ADSS2: variants seen among roughly 807,000 people sequenced by gnomAD.
ADSS2 encodes the protein adenylosuccinate synthetase isozyme 2.
Under a neutral mutation model 60.0 loss-of-function variants are expected in ADSS2, and 30 were observed. The observed-to-expected ratio is 0.50, with a 90% CI of 0.37 to 0.68. The LOEUF is 0.68. ADSS2 is among the 30% of genes least tolerant of loss of function. The pLI, the probability that ADSS2 is intolerant of heterozygous loss-of-function variation, is 0.00. For missense variants in ADSS2, 373 were observed against 554.8 expected (o/e 0.67, Z 3.29); for synonymous variants, 187 against 193.1 (o/e 0.97, Z 0.26).
chr1:244,435,187 A>C (rs948790453), intron 3 of ADSS2, among the ~76,000 whole-genome samples: 1 of 150,044 alleles, frequency 6.7e-6, no homozygotes, highest in Non-Finnish European at 1.5e-5. Flanking sequence ...AAAAAAAAAA[A>C]AAAAAAAAAA....
intron 1 of ADSS2, among the ~76,000 whole-genome samples, chr1:244,445,726 C>G (rs1333660517): frequency 6.6e-6 from 1 of 152,092 alleles, no homozygotes; most frequent in Non-Finnish European, 1.5e-5. Flanking sequence ...CTTGGTTTCA[C>G]TACTGGGCCT....
chr1:244,417,728 T>C lies in ADSS2; in HGVS notation c.970A>G (p.Arg324Gly). The C allele has an allele frequency of 6.2e-7, 1 of 1,613,550 alleles. No homozygotes were observed. Among genetic ancestry groups the C allele is most frequent in the Non-Finnish European group, 8.5e-7 (1 of 1,179,670 alleles). ...DNEIGELLQT[R>G]GREFGVTTGR... ...GTAGTTACACCAAACTCTCTACCCCTTGTTTGTAATAATTCTCCAATTTCC... is the reference window on the plus strand; with the variant it reads ...GTAGTTACACCAAACTCTCTACCCCCTGTTTGTAATAATTCTCCAATTTCC... Residue 324 changes from arginine to glycine, a missense_variant, in exon 10 of 13, where the codon AGG becomes GGG. Physicochemically the swap from Arg to Gly is moderately radical, Grantham distance 125. Around this residue, in one of 5 missense-constraint regions of ADSS2, gnomAD observed 130 missense variants for 169.4 expected, o/e 0.77. Coordinates refer to ENST00000366535, the MANE Select transcript of ADSS2 (RefSeq NM_001126.5).
rs769468143 is a variant in ADSS2 at position 244,451,851 on chromosome 1, G to A, written c.-34C>T. 2.1e-5 allele frequency: 32 copies of A among 1,524,596 alleles called. No homozygotes were observed. The highest frequency in any genetic ancestry group is 2.3e-4 in the Middle Eastern group (1 of 4,322). 94.4% of individuals were successfully genotyped at this position (1,524,596 alleles called of 1,614,324 possible). A position where few individuals can be genotyped will look rare whatever the true frequency, so the allele number is the denominator to read the frequency against. On this transcript the variant is annotated 5_prime_UTR_variant, in exon 1 of 13. Transcript: ENST00000366535. This position sits in a 1 kb window ranked among gnomAD's most constrained non-coding sequence, Gnocchi z 6.6. ...TGACGCGAGGAGAGCCCGAAGGAGA[G>A]GCGGCCGGCGAGGAGTGAGCGAACT...
At chr1:244,427,598 G>T (rs2148000235) in intron 4 of ADSS2, among the ~76,000 whole-genome samples, 1 of 152,136 alleles carries the variant, frequency 6.6e-6, no homozygotes, top group South Asian at 2.1e-4. Context: ...TAAAGACACA[G>T]ATACACTAAG....
intron 3 of ADSS2, among the ~76,000 whole-genome samples, chr1:244,434,935 G>C (rs575896085): frequency 5.3e-5 from 8 of 151,984 alleles, no homozygotes; most frequent in Non-Finnish European, 1.2e-4. Context: ...TTGGGAGGCC[G>C]AGGCAGGTGG....
chr1:244,429,592 A>G (rs1318986564), intron 4 of ADSS2, among the ~76,000 whole-genome samples: 1 of 152,220 alleles, frequency 6.6e-6, no homozygotes, highest in Admixed American at 6.5e-5. Context: ...AATTGACTAT[A>G]CTAAAATACA....
rs577843549 is a variant in ADSS2, at chr1:244,438,615, A to G, written c.184-847T>C. 2.7e-4 allele frequency among the ~76,000 whole-genome samples: 41 copies of G among 152,332 alleles called. No homozygotes were observed. The South Asian group carries it at 8.5e-3, about 32-fold the overall frequency. ...TGATTACACGTTTAAACTTCTATAC[A>G]ATATTAACACACTTTTAAAAGTATA... On this transcript the variant is annotated intron_variant, in intron 1 of 12. Coordinates refer to ENST00000366535, the MANE Select transcript of ADSS2 (RefSeq NM_001126.5).
At chr1:244,439,281 T>G (rs1186968759) in intron 1 of ADSS2, among the ~76,000 whole-genome samples, 1 of 152,208 alleles carries the variant, frequency 6.6e-6, no homozygotes, top group East Asian at 1.9e-4. Flanking sequence ...GAGTTTAATA[T>G]ATGCCATACA....
At chr1:244,417,950 AT>A (rs140813273) in intron 9 of ADSS2, among the ~76,000 whole-genome samples, 198 bp from the exon 10 acceptor site, 17,935 of 152,102 alleles carry the variant, frequency 0.12, 1,342 homozygotes, top group African/African-American at 0.18. Flanking sequence ...ATTTATTATC[AT>A]TTTTTTATGT....
At position 244,424,399 on chromosome 1, in the gene ADSS2, TA is replaced by T. The variant is rs1181149005; in HGVS notation, c.407-13del. 6.2e-7 allele frequency: 1 copy of T among 1,610,352 alleles called. No individual in the cohort carries two copies. Among genetic ancestry groups the T allele is most frequent in the South Asian group, 1.1e-5 (1 of 90,882 alleles). On this transcript the variant is annotated splice_polypyrimidine_tract_variant and intron_variant, in intron 4 of 12. Coordinates refer to ENST00000366535, the MANE Select transcript of ADSS2 (RefSeq NM_001126.5). Reference sequence around the variant, plus strand: ...ATGAAAATCAAATACTGAGGGGAAATAAAACCACAGTTGTTGAAACAAAGAT... The same window carrying T: ...ATGAAAATCAAATACTGAGGGGAAATAAACCACAGTTGTTGAAACAAAGAT...
chr1:244,435,774 A>C (rs780803747), intron 3 of ADSS2, among the ~76,000 whole-genome samples: 1 of 152,250 alleles, frequency 6.6e-6, no homozygotes, highest in Non-Finnish European at 1.5e-5. Context: ...ACAAGTACTT[A>C]ACAGTCAAAA....
chr1:244,416,149 G>A (rs549024625), intron 10 of ADSS2, 71 bp from the exon 11 acceptor site: 95 of 1,030,454 alleles, frequency 9.2e-5, no homozygotes, highest in Middle Eastern at 4.2e-4. Context: ...TTTGATTAAT[G>A]CAGGAGTAAA....
intron 7 of ADSS2, among the ~76,000 whole-genome samples, chr1:244,422,214 T>C (rs142407558): frequency 2.1e-4 from 32 of 152,250 alleles, no homozygotes; most frequent in African/African-American, 7.7e-4. Context: ...TACTTATCTA[T>C]AGATGAGAAG....
chr1:244,425,015 C>T (rs1468252917), intron 4 of ADSS2: 1 of 152,476 alleles, frequency 6.6e-6, no homozygotes, highest in Non-Finnish European at 1.5e-5. Context: ...CACTGGCATT[C>T]TTTGCAGCCC....
chr1:244,413,075 CA>C (rs1558267862), intron 11 of ADSS2, among the ~76,000 whole-genome samples: 1 of 152,166 alleles, frequency 6.6e-6, no homozygotes, highest in Admixed American at 6.5e-5. Flanking sequence ...AGGAACAAGA[CA>C]ACATTTGCCA....
chr1:244,411,588 C>G lies in ADSS2; in HGVS notation c.1169-152G>C, dbSNP rs993138778. ...TTCTTCAGGTAGTAGAAAGGTAAAA[C>G]AGCGCAAATACCATCTGGAGTAGTA... On this transcript the variant is annotated intron_variant, in intron 11 of 12. Coordinates refer to ENST00000366535, the MANE Select transcript of ADSS2 (RefSeq NM_001126.5). 1.9e-5 allele frequency: 13 copies of G among 701,646 alleles called. No individual in the cohort carries two copies. The Admixed American group carries it at 3.8e-4, about 20-fold the overall frequency. 43.5% of individuals were successfully genotyped at this position (701,646 alleles called of 1,614,324 possible).
At chr1:244,420,579 T>C (rs188297131) in intron 7 of ADSS2, among the ~76,000 whole-genome samples, 9 of 152,308 alleles carry the variant, frequency 5.9e-5, no homozygotes, top group Admixed American at 5.2e-4. Flanking sequence ...CCCAGCAAAG[T>C]AGTCATACTT....
chr1:244,432,660 C>CT (rs532312490), intron 3 of ADSS2, 65 bp from the exon 4 acceptor site: 25,031 of 380,348 alleles, frequency 0.066, 541 homozygotes, highest in South Asian at 0.092. Flanking sequence ...ATCTTAATTT[C>CT]TTTTTTTTTT....
chr1:244,441,597 C>T (rs1036107684), intron 1 of ADSS2, among the ~76,000 whole-genome samples: 7 of 152,096 alleles, frequency 4.6e-5, no homozygotes, highest in African/African-American at 1.4e-4. Context: ...CTGTCTCAGC[C>T]TCCTGAGTCC....
Sources: gnomAD v4.1 joint callset for allele counts (sites outside exome capture counted in the v4.1 genomes callset) on GRCh38, gnomAD v4.1.1 for gene constraint, gnomAD v4.1.1 regional missense constraint, Gnocchi (gnomAD v3.1) non-coding constraint, MANE v1.5 for transcripts, NCBI Gene and HGNC (gene_info 2026-07-23, HGNC 2026-07-21) for gene names.